SLC7A8: variants seen among roughly 807,000 people sequenced by gnomAD.
SLC7A8 encodes solute carrier family 7 member 8, also known as large neutral amino acids transporter small subunit 2.
A neutral mutation model predicts 51.2 loss-of-function variants in SLC7A8; 30 were observed. The ratio of observed to expected loss-of-function variants is 0.59; its 90% confidence interval spans 0.44 to 0.80. SLC7A8 has a LOEUF of 0.80. SLC7A8 is among the 30% of genes least tolerant of loss of function. SLC7A8 has a pLI of 0.00. For synonymous variants in SLC7A8, 257 were observed against 275.8 expected, an observed-to-expected ratio of 0.93 and a Z score of 0.67; for missense variants, 612 against 674.4, an observed-to-expected ratio of 0.91 and a Z score of 1.03.
chr14:23,174,646 A>G (rs1594841590), intron 1 of SLC7A8, among the ~76,000 whole-genome samples: 2 of 152,268 alleles, frequency 1.3e-5, no homozygotes, highest in Non-Finnish European at 2.9e-5. Flanking sequence ...GGCCTAGAAT[A>G]TAATGTGCTC....
chr14:23,168,877 C>G (rs181210826), intron 1 of SLC7A8, among the ~76,000 whole-genome samples: 70 of 152,282 alleles, frequency 4.6e-4, no homozygotes, highest in Non-Finnish European at 8.5e-4. Context: ...ATGGGACATG[C>G]AACACTAACT....
chr14:23,148,285 A>G (rs997819069), intron 3 of SLC7A8, among the ~76,000 whole-genome samples: 5 of 152,110 alleles, frequency 3.3e-5, no homozygotes, highest in Admixed American at 1.3e-4. Flanking sequence ...CTGGAGTGCA[A>G]TGGCGCAGTC....
chr14:23,151,263 G>T (rs1030616304), intron 3 of SLC7A8, among the ~76,000 whole-genome samples: 1 of 152,172 alleles, frequency 6.6e-6, no homozygotes, highest in East Asian at 1.9e-4. Flanking sequence ...TTACTGAATG[G>T]AAACGACAGA....
intron 3 of SLC7A8, among the ~76,000 whole-genome samples, chr14:23,159,311 T>A (rs1219820400): frequency 1.3e-5 from 2 of 152,270 alleles, no homozygotes; most frequent in African/African-American, 2.4e-5. Flanking sequence ...TTAGTCAAAC[T>A]GTCCATTGAG....
At chr14:23,140,315 G>A (rs563358161) in intron 5 of SLC7A8, among the ~76,000 whole-genome samples, 156 bp downstream of exon 5, 6 of 152,320 alleles carry the variant, frequency 3.9e-5, no homozygotes, top group Admixed American at 2.0e-4. Context: ...TGGTTTAAGT[G>A]CCTGGGAAAT....
At chr14:23,175,454 C>T (rs1377062733) in intron 1 of SLC7A8, among the ~76,000 whole-genome samples, 1 of 152,162 alleles carries the variant, frequency 6.6e-6, no homozygotes, top group Non-Finnish European at 1.5e-5. Context: ...AGTGATCCAC[C>T]CACCTTGGCC....
At chr14:23,153,774 G>A (rs2048867624) in intron 3 of SLC7A8, among the ~76,000 whole-genome samples, 1 of 152,096 alleles carries the variant, frequency 6.6e-6, no homozygotes, top group African/African-American at 2.4e-5. Context: ...TCGCTGGCTT[G>A]CACCTTTCTC....
intron 3 of SLC7A8, among the ~76,000 whole-genome samples, chr14:23,159,566 G>C (rs1167742340): frequency 2.6e-5 from 4 of 152,238 alleles, no homozygotes; most frequent in Non-Finnish European, 4.4e-5. Context: ...GAGCAGTTTG[G>C]GGGTAGAGAA....
intron 3 of SLC7A8, among the ~76,000 whole-genome samples, chr14:23,145,354 C>T (rs541631382): frequency 4.0e-5 from 6 of 151,312 alleles, no homozygotes; most frequent in African/African-American, 7.3e-5. Flanking sequence ...CAGTGAAACC[C>T]GTCTCTACCA....
At chr14:23,151,787 G>A (rs2140324526) in intron 3 of SLC7A8, among the ~76,000 whole-genome samples, 1 of 151,074 alleles carries the variant, frequency 6.6e-6, no homozygotes, top group South Asian at 2.1e-4. Context: ...AAGCTTGCTG[G>A]GCACAGTGGG....
intron 3 of SLC7A8, among the ~76,000 whole-genome samples, chr14:23,164,874 C>A (rs1043963338): frequency 7.9e-5 from 12 of 152,052 alleles, no homozygotes; most frequent in African/African-American, 2.9e-4. Context: ...CGCCTGCAAT[C>A]CCAGCAACTC....
intron 5 of SLC7A8, 115 bp downstream of exon 5, chr14:23,140,355 CA>C: frequency 8.9e-7 from 1 of 1,121,002 alleles, no homozygotes. Context: ...GATCAAATCA[CA>C]GTTAGAATGG....
intron 3 of SLC7A8, among the ~76,000 whole-genome samples, chr14:23,152,070 A>T (rs1387168277): frequency 2.6e-5 from 4 of 151,970 alleles, no homozygotes; most frequent in Non-Finnish European, 4.4e-5. Context: ...AACAAAACAA[A>T]AGCAAAGAAA....
chr14:23,135,983 GACC>G (rs1322452019), intron 7 of SLC7A8, among the ~76,000 whole-genome samples: 2 of 152,148 alleles, frequency 1.3e-5, no homozygotes, highest in Non-Finnish European at 2.9e-5. Flanking sequence ...GTGCAAATTG[GACC>G]ACTTTTTTCT....
At chr14:23,171,839 G>A (rs538005379) in intron 1 of SLC7A8, among the ~76,000 whole-genome samples, 3 of 152,304 alleles carry the variant, frequency 2.0e-5, no homozygotes, top group African/African-American at 4.8e-5. Context: ...CTTTCCCATC[G>A]GGACTGTACA....
chr14:23,153,215 C>T (rs952729558), intron 3 of SLC7A8, among the ~76,000 whole-genome samples: 4 of 152,110 alleles, frequency 2.6e-5, no homozygotes, highest in African/African-American at 7.2e-5. Context: ...TGGGCTTGAG[C>T]GATCTGCCTG....
chr14:23,129,880 C>T, intron 8 of SLC7A8, 81 bp from the exon 9 acceptor site: 1 of 1,510,574 alleles, frequency 6.6e-7, no homozygotes, highest in Non-Finnish European at 9.0e-7. Context: ...GTCCCCCAGC[C>T]TCCAGGCAGA....
chr14:23,176,903 C>T (rs544679923), intron 1 of SLC7A8, among the ~76,000 whole-genome samples: 3 of 147,882 alleles, frequency 2.0e-5, no homozygotes, highest in African/African-American at 7.6e-5. Context: ...GATTGCCCCA[C>T]TCCACTCCAG....
At chr14:23,142,774 T>A (rs1466972170) in intron 4 of SLC7A8, among the ~76,000 whole-genome samples, 1 of 152,186 alleles carries the variant, frequency 6.6e-6, no homozygotes, top group Admixed American at 6.5e-5. Flanking sequence ...AGTGCTGGGA[T>A]TACAGGTGTG....
Sources: gnomAD v4.1 joint callset for allele counts (sites outside exome capture counted in the v4.1 genomes callset) on GRCh38, gnomAD v4.1.1 for gene constraint, MANE v1.5 for transcripts, NCBI Gene and HGNC (gene_info 2026-07-23, HGNC 2026-07-21) for gene names.